NUP93: variants seen among roughly 807,000 people sequenced by gnomAD.
NUP93 encodes nuclear pore complex protein Nup93.
A neutral mutation model predicts 107.8 loss-of-function variants in NUP93; 55 were observed. The ratio of observed to expected loss-of-function variants is 0.51; its 90% CI spans 0.41 to 0.64. The LOEUF is 0.64. Ranked by LOEUF, NUP93 falls within the 30% of genes least tolerant of loss-of-function variation. The probability of loss-of-function intolerance (pLI) is 0.00; values close to 1 mark genes in which losing one functional copy is unlikely to be tolerated. For synonymous variants in NUP93, 390 were observed against 397.5 expected, an observed-to-expected ratio of 0.98 and a Z score of 0.22; for missense variants, 937 against 1,044.7, an observed-to-expected ratio of 0.90 and a Z score of 1.42.
At chr16:56,819,005 G>A (rs1430836157) in intron 6 of NUP93, among the ~76,000 whole-genome samples, 1 of 152,222 alleles carries the variant, frequency 6.6e-6, no homozygotes, top group Non-Finnish European at 1.5e-5. Context: ...ATAGTCCCAT[G>A]TACAGTAAAG....
chr16:56,759,032 A>G (rs1275106540), intron 3 of NUP93, among the ~76,000 whole-genome samples: 1 of 152,162 alleles, frequency 6.6e-6, no homozygotes, highest in African/African-American at 2.4e-5. Flanking sequence ...TCTTTTTTAC[A>G]TCTTGCTTGT....
intron 1 of NUP93, among the ~76,000 whole-genome samples, chr16:56,731,677 T>C (rs940768200): frequency 6.6e-6 from 1 of 152,184 alleles, no homozygotes; most frequent in Non-Finnish European, 1.5e-5. Flanking sequence ...CACAAAAGTG[T>C]TGGAATTACA....
At chr16:56,797,056 AGCCAACGTGTTGGCCTCATCATG>A (rs1338659897) in intron 3 of NUP93, among the ~76,000 whole-genome samples, 6 of 152,168 alleles carry the variant, frequency 3.9e-5, no homozygotes, top group African/African-American at 1.4e-4. Flanking sequence ...CTTGTGGTTG[AGCCAACGTGTTGGCCTCATCATG>A]GCCAACATTG....
chr16:56,767,362 C>G (rs980276615), intron 3 of NUP93, among the ~76,000 whole-genome samples: 2 of 152,126 alleles, frequency 1.3e-5, no homozygotes, highest in African/African-American at 4.8e-5. Flanking sequence ...GAACCCTTGT[C>G]TTATAAGACA....
intron 2 of NUP93, among the ~76,000 whole-genome samples, chr16:56,754,040 G>A (rs529215597): frequency 6.6e-5 from 10 of 152,004 alleles, no homozygotes; most frequent in South Asian, 6.3e-4. Context: ...TACAGGAAGC[G>A]TGGATGGGGA....
In NUP93 at chr16:56,845,409, C is replaced by G. The variant is rs575378829; in HGVS notation, c.*800C>G. The G allele has an allele frequency of 1.3e-5, 2 of 152,284 alleles. No individual in the cohort carries two copies. Among genetic ancestry groups the G allele is most frequent in the Non-Finnish European group, 2.9e-5 (2 of 68,124 alleles). The allele number at this position is 152,284 out of a possible 1,614,324, so 9.4% of individuals were successfully genotyped here. A position where few individuals can be genotyped will look rare whatever the true frequency, so the allele number is the denominator to read the frequency against. On this transcript the variant is annotated 3_prime_UTR_variant, in exon 22 of 22. Coordinates refer to ENST00000308159, the MANE Select transcript of NUP93 (RefSeq NM_014669.5). ...TTCTCTGGTGGTCAGTTCCTCTGCTCAGACGACCCCCTTCCCCACTCATTA... is the reference window on the plus strand; with the variant it reads ...TTCTCTGGTGGTCAGTTCCTCTGCTGAGACGACCCCCTTCCCCACTCATTA...
chr16:56,844,689 T>G lies in NUP93; in HGVS notation c.*80T>G. 1.3e-6 allele frequency: 1 copy of G among 777,530 alleles called. No individual in the cohort carries two copies. The highest frequency in any genetic ancestry group is 1.9e-6 in the Non-Finnish European group (1 of 515,826). The allele number at this position is 777,530 out of a possible 1,614,324, so 48.2% of individuals were successfully genotyped here. On this transcript the variant is annotated 3_prime_UTR_variant, in exon 22 of 22. Transcript: ENST00000308159. The stretch of plus-strand genomic sequence containing the variant: ...GGGCCCACTAGGCTGGGGTTTCTGG[T>G]TTTGTTTCTGTTGTGTTTTGTTTTG...
intron 4 of NUP93, among the ~76,000 whole-genome samples, chr16:56,801,434 A>T (rs1227075671): frequency 1.3e-5 from 2 of 152,152 alleles, no homozygotes; most frequent in Non-Finnish European, 2.9e-5. Flanking sequence ...ATTTTTTGAG[A>T]CAGGGTCTTG....
intron 3 of NUP93, chr16:56,783,944 CTT>C: frequency 1.1e-6 from 1 of 921,278 alleles, no homozygotes; most frequent in Non-Finnish European, 1.3e-6. Flanking sequence ...GCAAAATAGA[CTT>C]TTAAATGAAC....
chr16:56,819,727 ATGAAT>A (rs1963505785), intron 6 of NUP93, among the ~76,000 whole-genome samples: 1 of 152,252 alleles, frequency 6.6e-6, no homozygotes, highest in Non-Finnish European at 1.5e-5. Context: ...GGCATTCCAC[ATGAAT>A]TGAATTACCT....
intron 3 of NUP93, among the ~76,000 whole-genome samples, chr16:56,769,644 T>C (rs1567381718): frequency 6.6e-6 from 1 of 152,226 alleles, no homozygotes; most frequent in Non-Finnish European, 1.5e-5. Flanking sequence ...AGTTTCAAAA[T>C]GCCAAAGCTT....
At position 56,818,701 on chromosome 16, in the gene NUP93, G is replaced by C. The variant is rs752401834; in HGVS notation, c.527G>C (p.Ser176Thr). ...AGTGATGTGGGACCCCCTGGTCGAAGCTCTCTGGATAACATCGAGATGGCC... is the reference window on the plus strand; with the variant it reads ...AGTGATGTGGGACCCCCTGGTCGAACCTCTCTGGATAACATCGAGATGGCC... ...YISDVGPPGR[S>T]SLDNIEMAYA... Residue 176 changes from serine (S) to threonine (T), a missense_variant, in exon 6 of 22, where the codon AGC becomes ACC. Coordinates refer to ENST00000308159, the MANE Select transcript of NUP93 (RefSeq NM_014669.5). 6.2e-7 allele frequency: 1 copy of C among 1,614,068 alleles called. No homozygotes were observed. Among genetic ancestry groups the C allele is most frequent in the African/African-American group, 1.3e-5 (1 of 74,934 alleles).
Position 56,839,015 on chromosome 16 carries a change from C to CT in NUP93, c.2084dup (p.Leu695PhefsTer6). ...ACTCCACGTTCTATCTTCTTTTGGA[C>CT]TTGATCACCTTTTTTGACGAGTATC... On this transcript the variant is annotated frameshift_variant, in exon 19 of 22. Coordinates refer to ENST00000308159, the MANE Select transcript of NUP93 (RefSeq NM_014669.5). LOFTEE classifies it high-confidence loss of function. The CT allele has an allele frequency of 1.2e-6, 2 of 1,614,066 alleles. No homozygotes were observed. The highest frequency in any genetic ancestry group is 1.7e-6 in the Non-Finnish European group (2 of 1,179,966).
At chr16:56,774,067 A>G (rs1168369779) in intron 3 of NUP93, among the ~76,000 whole-genome samples, 1 of 152,236 alleles carries the variant, frequency 6.6e-6, no homozygotes, top group East Asian at 1.9e-4. Context: ...CTCAAAATAT[A>G]CTACCTAAAA....
intron 3 of NUP93, among the ~76,000 whole-genome samples, chr16:56,789,699 C>T (rs894631089): frequency 5.9e-5 from 9 of 152,198 alleles, no homozygotes; most frequent in East Asian, 1.9e-4. Context: ...TTACAGTTGG[C>T]GAATATCAGC....
chr16:56,833,474 A>G (rs1357185231), intron 13 of NUP93, 68 bp downstream of exon 13: 1 of 1,265,182 alleles, frequency 7.9e-7, no homozygotes, highest in Non-Finnish European at 1.1e-6. Flanking sequence ...GACGGTGGCC[A>G]CAAAACCACA....
intron 4 of NUP93, among the ~76,000 whole-genome samples, chr16:56,802,320 T>G (rs538815954): frequency 5.0e-5 from 1 of 20,122 alleles, no homozygotes; most frequent in African/African-American, 2.2e-4. Context: ...CCACCCCACC[T>G]TTGTGTTCCA....
In NUP93 at chr16:56,849,720, G is replaced by T. The variant is rs1478837248; in HGVS notation, c.*5111G>T. The stretch of plus-strand genomic sequence containing the variant: ...TAGTGTAAGTATGTCCCAGTTCTAT[G>T]TGGCTGCCCTACCTGGGCTTGCCTC... On this transcript the variant is annotated 3_prime_UTR_variant, in exon 22 of 22. Transcript: ENST00000308159. 1 of 152,254 alleles carries T rather than the reference G, an allele frequency of 6.6e-6. No homozygotes were observed. Among genetic ancestry groups the T allele is most frequent in the Non-Finnish European group, 1.5e-5 (1 of 68,062 alleles). The allele number at this position is 152,254 out of a possible 1,614,324, so 9.4% of individuals were successfully genotyped here.
chr16:56,778,804 T>C (rs2144515387), intron 3 of NUP93, among the ~76,000 whole-genome samples: 1 of 152,248 alleles, frequency 6.6e-6, no homozygotes, highest in Admixed American at 6.5e-5. Context: ...CATTTGGAGA[T>C]GGGGTAAGAA....
Sources: gnomAD v4.1 joint callset for allele counts (sites outside exome capture counted in the v4.1 genomes callset) on GRCh38, gnomAD v4.1.1 for gene constraint, MANE v1.5 for transcripts, NCBI Gene and HGNC (gene_info 2026-07-23, HGNC 2026-07-21) for gene names.